The following KCNMB2 variants were observed in gnomAD, a reference collection of about 807,000 sequenced individuals.
KCNMB2 encodes the protein calcium-activated potassium channel subunit beta-2.
A neutral mutation model predicts 24.5 loss-of-function variants in KCNMB2; 9 were observed. That is an observed-to-expected ratio of 0.37 (90% CI 0.22 to 0.64). KCNMB2 has a LOEUF of 0.64. Among genes scored for constraint, KCNMB2 ranks in the 30% least tolerant of loss-of-function variants. The pLI is 0.63. For missense variants in KCNMB2, 226 were observed against 284.3 expected, an observed-to-expected ratio of 0.79 and a Z score of 1.47; for synonymous variants, 109 against 104.4, an observed-to-expected ratio of 1.04 and a Z score of -0.27.
intron 1 of KCNMB2, among the ~76,000 whole-genome samples, chr3:178,558,014 G>C (rs889094033): frequency 6.6e-6 from 1 of 152,086 alleles, no homozygotes; most frequent in African/African-American, 2.4e-5. Context: ...TCGTTCTTTT[G>C]GGAGGATTAA....
intron 4 of KCNMB2, among the ~76,000 whole-genome samples, chr3:178,840,981 T>G (rs555438185): frequency 6.6e-6 from 1 of 152,244 alleles, no homozygotes; most frequent in Non-Finnish European, 1.5e-5. Context: ...TTCCAAATTT[T>G]TATGCTTTTA....
chr3:178,664,260 A>G (rs1720638192), intron 1 of KCNMB2, among the ~76,000 whole-genome samples: 1 of 152,124 alleles, frequency 6.6e-6, no homozygotes. Context: ...AAAGTAGAGA[A>G]CAAATGACAT....
chr3:178,724,920 T>C (rs926880681), intron 1 of KCNMB2, among the ~76,000 whole-genome samples: 1 of 152,154 alleles, frequency 6.6e-6, no homozygotes, highest in Non-Finnish European at 1.5e-5. Flanking sequence ...GTAGTATAGT[T>C]CGAAGTTGGG....
intron 1 of KCNMB2, among the ~76,000 whole-genome samples, chr3:178,785,411 GC>G (rs1462025463): frequency 6.6e-6 from 1 of 151,734 alleles, no homozygotes; most frequent in Non-Finnish European, 1.5e-5. Context: ...ATTGATAATT[GC>G]CATACAGAAT....
chr3:178,729,084 T>A (rs1723058918), intron 1 of KCNMB2, among the ~76,000 whole-genome samples: 1 of 151,942 alleles, frequency 6.6e-6, no homozygotes, highest in Admixed American at 6.6e-5. Flanking sequence ...GGTTAGAAAA[T>A]CTTCACAAAC....
At chr3:178,649,687 T>C (rs1377520081) in intron 1 of KCNMB2, among the ~76,000 whole-genome samples, 1 of 152,154 alleles carries the variant, frequency 6.6e-6, no homozygotes, top group African/African-American at 2.4e-5. Context: ...CTGATGGTAG[T>C]TTGTATTTCT....
At chr3:178,628,748 G>T (rs1407842911) in intron 1 of KCNMB2, among the ~76,000 whole-genome samples, 1 of 152,068 alleles carries the variant, frequency 6.6e-6, no homozygotes, top group East Asian at 1.9e-4. Context: ...TTTAGGAAAG[G>T]GAAAATCATT....
At chr3:178,643,745 G>A (rs182611722) in intron 1 of KCNMB2, among the ~76,000 whole-genome samples, 29 of 152,198 alleles carry the variant, frequency 1.9e-4, no homozygotes, top group Non-Finnish European at 3.4e-4. Flanking sequence ...TTAGGGACTC[G>A]CCCTGTTGTT....
intron 4 of KCNMB2, among the ~76,000 whole-genome samples, chr3:178,830,796 T>G (rs1157686332): frequency 1.3e-5 from 2 of 152,176 alleles, no homozygotes; most frequent in Non-Finnish European, 2.9e-5. Context: ...CTTCTTTACA[T>G]TCAATATAGG....
chr3:178,657,650 A>G (rs1456488611), intron 1 of KCNMB2, among the ~76,000 whole-genome samples: 1 of 152,172 alleles, frequency 6.6e-6, no homozygotes, highest in Non-Finnish European at 1.5e-5. Context: ...CCTGTTTTCT[A>G]TTGCTATAAC....
chr3:178,781,224 T>C (rs1265310368), intron 1 of KCNMB2, among the ~76,000 whole-genome samples: 1 of 152,206 alleles, frequency 6.6e-6, no homozygotes, highest in African/African-American at 2.4e-5. Context: ...CTACTTCTAC[T>C]GGACAGTGCT....
At chr3:178,708,274 G>T (rs1316682963) in intron 1 of KCNMB2, among the ~76,000 whole-genome samples, 1 of 152,058 alleles carries the variant, frequency 6.6e-6, no homozygotes, top group Non-Finnish European at 1.5e-5. Context: ...AGGGACCATG[G>T]TTTATTCATC....
At chr3:178,608,744 A>G (rs928942896) in intron 1 of KCNMB2, among the ~76,000 whole-genome samples, 8 of 152,018 alleles carry the variant, frequency 5.3e-5, no homozygotes, top group Admixed American at 4.6e-4. Flanking sequence ...TGATTTTTAG[A>G]TCCCACAAAT....
intron 1 of KCNMB2, among the ~76,000 whole-genome samples, chr3:178,754,195 C>T (rs71308201): frequency 3.2e-4 from 44 of 137,416 alleles, no homozygotes; most frequent in Middle Eastern, 3.7e-3. Context: ...CACACACATA[C>T]ATATATATAT....
Position 178,728,335 on chromosome 3 carries a change from C to A in KCNMB2, c.-67-79008C>A, listed in dbSNP as rs374857805. Among the ~76,000 whole-genome samples the A allele has an allele frequency of 4.1e-4, 63 of 152,206 alleles. 1 individual carries two copies. In the South Asian group the frequency reaches 0.011, roughly 26 times the overall value. ...AAAGACACATTTGTATCAACAAAAT[C>A]TTTCCAGTGAATTAGTGAGGTTATT... On this transcript the variant is annotated intron_variant, in intron 1 of 4. Transcript: ENST00000452583.
At chr3:178,670,903 C>T (rs1209456608) in intron 1 of KCNMB2, among the ~76,000 whole-genome samples, 1 of 152,114 alleles carries the variant, frequency 6.6e-6, no homozygotes, top group African/African-American at 2.4e-5. Context: ...TTTTCTGATA[C>T]CTAGAGGCCT....
chr3:178,732,293 A>G (rs1446991095), intron 1 of KCNMB2, among the ~76,000 whole-genome samples: 1 of 152,228 alleles, frequency 6.6e-6, no homozygotes, highest in South Asian at 2.1e-4. Context: ...TGCAGATTCC[A>G]TATTTACAAA....
At chr3:178,771,473 CTTTTTTTTTTT>C (rs66694279) in intron 1 of KCNMB2, among the ~76,000 whole-genome samples, 5 of 87,514 alleles carry the variant, frequency 5.7e-5, no homozygotes, top group Non-Finnish European at 1.1e-4. Flanking sequence ...TTCTTTCTTT[CTTTTTTTTTTT>C]TTTTTTTTTT....
intron 1 of KCNMB2, among the ~76,000 whole-genome samples, chr3:178,722,923 G>C (rs1474261422): frequency 1.3e-5 from 2 of 151,952 alleles, no homozygotes; most frequent in Non-Finnish European, 2.9e-5. Flanking sequence ...TTTGCATTGG[G>C]GATTAAATTA....
Sources: allele counts gnomAD v4.1 joint callset (sites outside exome capture counted in the v4.1 genomes callset), GRCh38; gene constraint gnomAD v4.1.1; transcripts MANE v1.5; gene names NCBI Gene and HGNC (gene_info 2026-07-23, HGNC 2026-07-21).